Variants in TRIP12 observed in about 807,000 individuals in gnomAD.
TRIP12 encodes E3 ubiquitin-protein ligase TRIP12.
TRIP12 carries 25 observed loss-of-function variants against 244.2 expected under a neutral mutation model. That is an observed-to-expected ratio of 0.10 (90% CI 0.07 to 0.14). The LOEUF is 0.14. Ranked by LOEUF, TRIP12 falls within the 10% of genes least tolerant of loss-of-function variation. The probability of loss-of-function intolerance (pLI) is 1.00; values close to 1 mark genes in which losing one functional copy is unlikely to be tolerated. For synonymous variants in TRIP12, 905 were observed against 873.1 expected (o/e 1.04, Z -0.64); for missense variants, 1,677 against 2,486.4 (o/e 0.67, Z 6.92).
chr2:229,807,584 G>GA (rs1224008930), intron 17 of TRIP12, 124 bp downstream of exon 17: 2 of 1,250,598 alleles, frequency 1.6e-6, no homozygotes, highest in South Asian at 2.4e-5. Context: ...GAGACAAAAT[G>GA]AGAGAATCTT....
chr2:229,883,100 G>C (rs751116702), intron 1 of TRIP12, among the ~76,000 whole-genome samples: 7 of 152,110 alleles, frequency 4.6e-5, no homozygotes, highest in Non-Finnish European at 7.4e-5. Context: ...AAAACCAGAG[G>C]GCTGGAAGGG....
Position 229,871,615 on chromosome 2 carries a change from C to T in TRIP12, c.98+8367G>A, listed in dbSNP as rs562111631. Among the ~76,000 whole-genome samples the T allele has an allele frequency of 1.2e-4, 18 of 152,302 alleles. No individual in the cohort carries two copies. In the South Asian group the frequency reaches 3.7e-3, roughly 32 times the overall value. ...CTGAGGCCCTCACCAGGAGCAGATG[C>T]CAGCGCCACACTTTTTGTACAGCCC... On this transcript the variant is annotated intron_variant, in intron 2 of 41. Transcript: ENST00000675903.
chr2:229,877,523 A>G (rs990442601), intron 2 of TRIP12, among the ~76,000 whole-genome samples: 1 of 152,106 alleles, frequency 6.6e-6, no homozygotes, highest in African/African-American at 2.4e-5. Context: ...ACAGAGTAAG[A>G]CTCCGTCTCA....
At chr2:229,770,920 C>G (rs954786803) in intron 39 of TRIP12, among the ~76,000 whole-genome samples, 5 of 152,188 alleles carry the variant, frequency 3.3e-5, no homozygotes, top group Non-Finnish European at 7.3e-5. Flanking sequence ...ACGTGGAACT[C>G]TAAGTCTAAT....
intron 2 of TRIP12, among the ~76,000 whole-genome samples, chr2:229,861,540 T>C (rs1208829605): frequency 6.6e-6 from 1 of 152,184 alleles, no homozygotes; most frequent in East Asian, 1.9e-4. Context: ...AAAAAAAGTT[T>C]AAGGCTTTTA....
At chr2:229,821,449 T>A (rs1036543338) in intron 8 of TRIP12, among the ~76,000 whole-genome samples, 1 of 152,190 alleles carries the variant, frequency 6.6e-6, no homozygotes, top group Non-Finnish European at 1.5e-5. Flanking sequence ...TAGCAATTAT[T>A]TTGGGCTTTA....
At chr2:229,829,064 A>G (rs2052567404) in intron 8 of TRIP12, 129 bp downstream of exon 8, 2 of 711,466 alleles carry the variant, frequency 2.8e-6, no homozygotes, top group Non-Finnish European at 4.6e-6. Flanking sequence ...GTGATTGTAC[A>G]CAGCCTTATT....
intron 1 of TRIP12, among the ~76,000 whole-genome samples, chr2:229,902,861 TCA>T (rs1157868910): frequency 6.6e-6 from 1 of 152,130 alleles, no homozygotes; most frequent in African/African-American, 2.4e-5. Context: ...GCAACTTACT[TCA>T]GTTACACAGA....
intron 2 of TRIP12, among the ~76,000 whole-genome samples, chr2:229,867,167 G>GATTGT (rs2061676304): frequency 1.7e-5 from 1 of 58,164 alleles, no homozygotes; most frequent in Non-Finnish European, 4.0e-5. Context: ...TTGTTTGTTT[G>GATTGT]TTTGTTTTTT....
At chr2:229,912,440 C>A (rs892371284) in intron 1 of TRIP12, among the ~76,000 whole-genome samples, 5 of 152,162 alleles carry the variant, frequency 3.3e-5, no homozygotes, top group African/African-American at 1.2e-4. Flanking sequence ...TTAAGAACTT[C>A]AATAATCTCA....
At chr2:229,892,255 A>G (rs1269649896) in intron 1 of TRIP12, among the ~76,000 whole-genome samples, 1 of 152,252 alleles carries the variant, frequency 6.6e-6, no homozygotes, top group African/African-American at 2.4e-5. Flanking sequence ...ATCAGGTAAC[A>G]GCTCTCTGAA....
At chr2:229,791,309 A>G in intron 29 of TRIP12, 58 bp from the exon 30 acceptor site, 2 of 1,591,648 alleles carry the variant, frequency 1.3e-6, no homozygotes, top group Non-Finnish European at 1.7e-6. Flanking sequence ...ATACAAAGCC[A>G]AAATCTAAGC....
chr2:229,815,007 A>G, intron 11 of TRIP12, 92 bp downstream of exon 11: 1 of 964,660 alleles, frequency 1.0e-6, no homozygotes, highest in East Asian at 2.5e-5. Context: ...TAAAAAATAT[A>G]CTTTATTTAG....
chr2:229,884,758 G>C (rs1014392431), intron 1 of TRIP12, among the ~76,000 whole-genome samples: 1 of 152,148 alleles, frequency 6.6e-6, no homozygotes, highest in African/African-American at 2.4e-5. Context: ...CTTGATCCCA[G>C]AAGTTTGAGG....
At chr2:229,794,176 C>A (rs1394967876) in intron 26 of TRIP12, among the ~76,000 whole-genome samples, 1 of 152,068 alleles carries the variant, frequency 6.6e-6, no homozygotes, top group East Asian at 1.9e-4. Flanking sequence ...AGAAAAGAAA[C>A]CCTAGTCCAT....
intron 16 of TRIP12, 52 bp from the exon 17 acceptor site, chr2:229,807,916 C>T (rs753135650): frequency 4.1e-5 from 63 of 1,519,562 alleles, no homozygotes; most frequent in East Asian, 2.9e-4. Flanking sequence ...TATTAGTAAA[C>T]GTTAGGTCTC....
chr2:229,813,776 T>A (rs920273751), intron 13 of TRIP12, 94 bp downstream of exon 13: 3 of 908,616 alleles, frequency 3.3e-6, no homozygotes, highest in Non-Finnish European at 4.2e-6. Flanking sequence ...AGAGCGAGAC[T>A]CCCATCTCAA....
intron 1 of TRIP12, among the ~76,000 whole-genome samples, chr2:229,913,805 T>C (rs750924870): frequency 1.3e-5 from 2 of 152,142 alleles, no homozygotes; most frequent in Admixed American, 6.5e-5. Context: ...ATGAGATCTC[T>C]ACCTTGAAGA....
Position 229,810,913 on chromosome 2 carries a change from A to G in TRIP12, c.2188T>C (p.Cys730Arg). The G allele has an allele frequency of 6.2e-7, 1 of 1,614,084 alleles. No individual in the cohort carries two copies. The highest frequency in any genetic ancestry group is 8.5e-7 in the Non-Finnish European group (1 of 1,179,972). The change falls in exon 15 of 42, where the codon TGT becomes CGT. Residue 730 changes from cysteine (C) to arginine (R), a missense_variant. Transcript: ENST00000675903. ...VRMFSLMCSN[C>R]PTLAVQLMKQ... is the part of the protein sequence containing the mutation. ...ATAAGTTGAACAGCTAAAGTTGGAC[A>G]GTTGGAACACATCAGAGAAAACATG...
Sources: gnomAD v4.1 joint callset for allele counts (sites outside exome capture counted in the v4.1 genomes callset) on GRCh38, gnomAD v4.1.1 for gene constraint, MANE v1.5 for transcripts, NCBI Gene and HGNC (gene_info 2026-07-23, HGNC 2026-07-21) for gene names.